KRT26: variants seen among roughly 807,000 people sequenced by gnomAD.
The protein encoded by KRT26 is keratin 26.
In KRT26, 45 loss-of-function variants were observed where a neutral mutation model predicts 46.1. That is an observed-to-expected ratio of 0.98 (90% CI 0.77 to 1.25). KRT26 has a LOEUF of 1.25. Among genes scored for constraint, KRT26 ranks in the 50% most tolerant of loss-of-function variants. The pLI is 0.00. For synonymous variants in KRT26, 191 were observed against 209.9 expected (o/e 0.91, Z 0.78); for missense variants, 582 against 560.1 (o/e 1.04, Z -0.39).
At chr17:40,766,460 C>G in exon 8 of KRT26, 1 of 1,422,706 alleles carries the variant, frequency 7.0e-7, no homozygotes, top group Non-Finnish European at 9.4e-7. Context: ...GCCTTTCTTT[C>G]TTTCTTTCTC....
At chr17:40,769,491 A>G (rs1032178848) in intron 5 of KRT26, among the ~76,000 whole-genome samples, 3 of 152,160 alleles carry the variant, frequency 2.0e-5, no homozygotes, top group Admixed American at 6.5e-5. Context: ...TCAAGGTAGA[A>G]ATAATTATTT....
exon 8 of KRT26, chr17:40,766,271 A>G (rs77918182): frequency 0.031 from 10,107 of 324,074 alleles, 217 homozygotes; most frequent in Middle Eastern, 0.042. Context: ...AAATGTCAAA[A>G]AAGGCCCCCA....
exon 8 of KRT26, chr17:40,766,351 T>G (rs570049624): frequency 5.0e-4 from 262 of 519,616 alleles, no homozygotes; most frequent in African/African-American, 4.6e-3. Flanking sequence ...GCATAGAACA[T>G]GAGAAAAGGA....
chr17:40,770,842 G>A (rs776535779), intron 2 of KRT26, among the ~76,000 whole-genome samples: 3 of 152,008 alleles, frequency 2.0e-5, no homozygotes, highest in Non-Finnish European at 2.9e-5. Context: ...GAGCCACCAT[G>A]CCTGACTATT....
rs2038198794 is a variant in KRT26 at position 40,769,331 on chromosome 17, AT to A, written c.970-236del. Among the ~76,000 whole-genome samples, 3 of 151,830 alleles carry A rather than the reference AT, an allele frequency of 2.0e-5. No individual in the cohort carries two copies. In the South Asian group the frequency reaches 6.2e-4, roughly 32 times the overall value. On this transcript the variant is annotated intron_variant, in intron 5 of 7. Transcript: ENST00000335552. ...GCCACCACACCCAGCTAATTTTTAT[AT>A]TTTTAGTAGAGATGGGGTTTCACCA...
chr17:40,771,355 T>A (rs1168760181), intron 1 of KRT26, 119 bp from the exon 2 acceptor site: 6 of 619,114 alleles, frequency 9.7e-6, no homozygotes, highest in East Asian at 8.5e-5. Context: ...CTTTTTTCTA[T>A]GTTAAAGAAA....
At position 40,771,794 on chromosome 17, in the gene KRT26, GC is replaced by G. The variant is rs745730970; in HGVS notation, c.319del (p.Ala107ProfsTer35). 1 of 1,614,110 alleles carries G rather than the reference GC, an allele frequency of 6.2e-7. No individual in the cohort carries two copies. Among genetic ancestry groups the G allele is most frequent in the Middle Eastern group, 1.6e-4 (1 of 6,062 alleles). ...GATCTTCTGCTCCAGGTCTGCGTTGGCCTCCTCTAGAGCATGCACATGGTCC... is the reference window on the plus strand; with the variant it reads ...GATCTTCTGCTCCAGGTCTGCGTTGGCTCCTCTAGAGCATGCACATGGTCC... On this transcript the variant is annotated frameshift_variant, in exon 1 of 8. Coordinates refer to ENST00000335552, the Ensembl canonical transcript of KRT26. LOFTEE classifies it high-confidence loss of function.
chr17:40,772,152 G>C (rs372295119), exon 1 of KRT26: 2 of 1,574,928 alleles, frequency 1.3e-6, no homozygotes, highest in Admixed American at 3.4e-5. Flanking sequence ...CCAGAAAGAG[G>C]AGCAAAGCCA....
rs200569878 is a variant in KRT26, at chr17:40,771,265, A to G, written c.442-29T>C. 100 of 1,293,222 alleles carry G rather than the reference A, an allele frequency of 7.7e-5. No individual in the cohort carries two copies. The East Asian group carries it at 2.2e-3, about 29-fold the overall frequency. The allele number at this position is 1,293,222 out of a possible 1,614,324, so 80.1% of individuals were successfully genotyped here. A position where few individuals can be genotyped will look rare whatever the true frequency, so the allele number is the denominator to read the frequency against. ...AATAGGGAAGATTGTGAAAAATGTT[A>G]ATTACCAAAAGTCAAAGGAGGCTCC... On this transcript the variant is annotated intron_variant, in intron 1 of 7. Transcript: ENST00000335552.
At chr17:40,766,492 C>A in exon 8 of KRT26, 1 of 1,519,742 alleles carries the variant, frequency 6.6e-7, no homozygotes, top group Non-Finnish European at 8.9e-7. Flanking sequence ...TTCTTTCTTT[C>A]TTTCCAAATA....
At chr17:40,771,790 G>A (rs745617040) in exon 1 of KRT26, 61 of 1,613,994 alleles carry the variant, frequency 3.8e-5, no homozygotes, top group Non-Finnish European at 4.7e-5. Context: ...CCAGGTCTGC[G>A]TTGGCCTCCT....
rs1289568582 is a variant in KRT26 at position 40,769,842 on chromosome 17, C to T, written c.881G>A (p.Gly294Glu). The T allele has an allele frequency of 1.9e-6, 3 of 1,614,172 alleles. No individual in the cohort carries two copies. In the South Asian group the frequency reaches 3.3e-5, roughly 18 times the overall value. The stretch of plus-strand genomic sequence containing the variant: ...CTCATTTCTGGCTGCTGTGGCTGCT[C>T]CCTCATGATCGGAAATCTGTTGTTG... The change falls in exon 5 of 8, where the codon GGA (glycine) becomes GAA (glutamate). Residue 294 changes from glycine to glutamate, a missense_variant. By Grantham distance (98) the Gly-to-Glu change is moderately conservative. Coordinates refer to ENST00000335552, the Ensembl canonical transcript of KRT26.
In KRT26 at chr17:40,767,717, C is replaced by A; in HGVS notation, c.1188-64G>T. The A allele has an allele frequency of 3.6e-6, 3 of 832,926 alleles. No homozygotes were observed. The South Asian group carries it at 4.7e-5, about 13-fold the overall frequency. 51.6% of individuals were successfully genotyped at this position (832,926 alleles called of 1,614,324 possible). On this transcript the variant is annotated intron_variant, in intron 6 of 7. Coordinates refer to ENST00000335552, the Ensembl canonical transcript of KRT26. ...TTCCTTAGTGAGCTTATAAATACCT[C>A]TAAATTGGAAATAAGAGTTTTGGAA...
intron 7 of KRT26, among the ~76,000 whole-genome samples, chr17:40,766,886 C>A (rs1393964872): frequency 6.6e-6 from 1 of 151,990 alleles, no homozygotes; most frequent in Non-Finnish European, 1.5e-5. Flanking sequence ...ATTACAGATG[C>A]CTGCTACAAT....
chr17:40,769,182 T>A, intron 5 of KRT26, 86 bp from the exon 6 acceptor site: 1 of 857,072 alleles, frequency 1.2e-6, no homozygotes, highest in Non-Finnish European at 1.8e-6. Context: ...TTTTTGAGAC[T>A]GTGTCTTGCT....
intron 2 of KRT26, among the ~76,000 whole-genome samples, chr17:40,770,911 C>T (rs1425801121): frequency 6.6e-6 from 1 of 152,138 alleles, no homozygotes; most frequent in Non-Finnish European, 1.5e-5. Flanking sequence ...AGGCTGGTCT[C>T]AAACTCCTGA....
chr17:40,766,418 GTTAT>G, exon 8 of KRT26: 1 of 981,376 alleles, frequency 1.0e-6, no homozygotes, highest in African/African-American at 1.6e-5. Context: ...ATTTCCTTAG[GTTAT>G]TTGACCAGTA....
rs1448982765 is a variant in KRT26 at position 40,770,380 on chromosome 17, CTG to C, written c.552_553del (p.His184GlnfsTer3). ...AAGACCACTGGTGTCGGCCTCAACA[CTG>C]TGGTGCAGAGCCAGCTCATTTTCAT... On this transcript the variant is annotated frameshift_variant, in exon 3 of 8. Transcript: ENST00000335552. LOFTEE classifies it high-confidence loss of function. 6.2e-7 allele frequency: 1 copy of C among 1,609,558 alleles called. No homozygotes were observed. Among genetic ancestry groups the C allele is most frequent in the Non-Finnish European group, 8.5e-7 (1 of 1,177,972 alleles).
At chr17:40,769,342 A>G (rs2038198884) in intron 5 of KRT26, among the ~76,000 whole-genome samples, 1 of 152,046 alleles carries the variant, frequency 6.6e-6, no homozygotes, top group African/African-American at 2.4e-5. Context: ...TTTTTAGTAG[A>G]GATGGGGTTT....
Sources: allele counts gnomAD v4.1 joint callset (sites outside exome capture counted in the v4.1 genomes callset), GRCh38; gene constraint gnomAD v4.1.1; transcripts MANE v1.5; gene names NCBI Gene and HGNC (gene_info 2026-07-23, HGNC 2026-07-21).